PDPN: variants seen among roughly 807,000 people sequenced by gnomAD.
PDPN encodes podoplanin.
PDPN carries 12 observed loss-of-function variants against 23.2 expected under a neutral mutation model. That is an observed-to-expected ratio of 0.52 (90% confidence interval 0.33 to 0.84). The LOEUF is 0.84. Ranked by LOEUF, PDPN falls within the 40% of genes least tolerant of loss-of-function variation. The probability of loss-of-function intolerance (pLI) is 0.02; values close to 1 mark genes in which losing one functional copy is unlikely to be tolerated. For synonymous variants in PDPN, 77 were observed against 76.7 expected, an observed-to-expected ratio of 1.00 and a Z score of -0.02; for missense variants, 199 against 212.2, an observed-to-expected ratio of 0.94 and a Z score of 0.39.
At position 13,615,162 on chromosome 1, in the gene PDPN, C is replaced by T. The variant is rs115907729; in HGVS notation, c.483-743C>T. On this transcript the variant is annotated intron_variant, in intron 5 of 5. Coordinates refer to ENST00000621990, the MANE Select transcript of PDPN (RefSeq NM_006474.5). ...CTCTTGCCCTGCGTGCACCCACATA[C>T]GTGGTCATAGACTCCTAGCTTTGAC... 6.6e-3 allele frequency among the ~76,000 whole-genome samples: 1,009 copies of T among 152,298 alleles called. 15 individuals are homozygous for T. Among genetic ancestry groups the T allele is most frequent in the African/African-American group, 0.023 (961 of 41,568 alleles).
rs534133698 is a variant in PDPN at position 13,593,179 on chromosome 1, T to C, written c.67+9079T>C. ...CAGGAAGAAGAGGGAGGAAACACGA[T>C]AGACACATAGGAATGACAGAAAGCA... On this transcript the variant is annotated intron_variant, in intron 1 of 5. Transcript: ENST00000621990. Among the ~76,000 whole-genome samples, 3 of 152,252 alleles carry C rather than the reference T, an allele frequency of 2.0e-5. No homozygotes were observed. In the South Asian group the frequency reaches 6.2e-4, roughly 32 times the overall value.
At chr1:13,596,192 C>T (rs1483086343) in intron 1 of PDPN, among the ~76,000 whole-genome samples, 8 of 146,256 alleles carry the variant, frequency 5.5e-5, no homozygotes, top group Admixed American at 2.0e-4. Flanking sequence ...GAGCAAGACT[C>T]CGTCTCAAAA....
rs1261337127 is a variant in PDPN, at chr1:13,591,840, G to A, written c.67+7740G>A. On this transcript the variant is annotated intron_variant, in intron 1 of 5. Coordinates refer to ENST00000621990, the MANE Select transcript of PDPN (RefSeq NM_006474.5). ...CTCCCAAATAGCTGGGACTACAGGC[G>A]TATGCCACCACACCAAGTTTGTTTA... Among the ~76,000 whole-genome samples the A allele has an allele frequency of 5.3e-5, 8 of 152,300 alleles. No homozygotes were observed. In the South Asian group the frequency reaches 6.2e-4, roughly 12 times the overall value.
intron 1 of PDPN, among the ~76,000 whole-genome samples, chr1:13,584,497 G>T (rs904897234): frequency 1.3e-5 from 2 of 152,248 alleles, no homozygotes; most frequent in Non-Finnish European, 2.9e-5. Context: ...GGGAGAAGCT[G>T]GCCTCGTAGA....
chr1:13,594,490 A>C (rs1175598294), intron 1 of PDPN, among the ~76,000 whole-genome samples: 1 of 152,174 alleles, frequency 6.6e-6, no homozygotes, highest in Non-Finnish European at 1.5e-5. Flanking sequence ...GTAGAGAGGA[A>C]TATAACAGGG....
chr1:13,602,046 CCTTTGGGTGGCTCAGCA>C lies in PDPN; in HGVS notation c.68-5106_68-5090del, dbSNP rs1351746442. On this transcript the variant is annotated intron_variant, in intron 1 of 5. Coordinates refer to ENST00000621990, the MANE Select transcript of PDPN (RefSeq NM_006474.5). ...GGCTCATGCCTTTGGGTGGCTCATG[CCTTTGGGTGGCTCAGCA>C]CTTTGGGTGGCTCAGCACTTCGGGA... 4.8e-3 allele frequency among the ~76,000 whole-genome samples: 445 copies of C among 91,802 alleles called. 5 individuals are homozygous for C. Among genetic ancestry groups the C allele is most frequent in the East Asian group, 0.046 (157 of 3,430 alleles). 60.2% of individuals were successfully genotyped at this position (91,802 alleles called of 152,430 possible). A position where few individuals can be genotyped will look rare whatever the true frequency, so the allele number is the denominator to read the frequency against.
rs972484164 is a variant in PDPN, at chr1:13,607,294, C to A, written c.189C>A (p.Gly63=). ...PGTSEDRYKS[G]LTTLVATSVN... ...CCAGCGAAGACCGCTATAAGTCTGG[C>A]TTGACAACTCTGGTCAGTGTCCTGG... Residue 63 remains glycine (G), a synonymous_variant, in exon 2 of 6, where the codon GGC becomes GGA. Coordinates refer to ENST00000621990, the MANE Select transcript of PDPN (RefSeq NM_006474.5). The A allele has an allele frequency of 1.2e-6, 2 of 1,613,950 alleles. No homozygotes were observed. Among genetic ancestry groups the A allele is most frequent in the Non-Finnish European group, 1.7e-6 (2 of 1,179,892 alleles).
chr1:13,589,825 T>G (rs371920815), intron 1 of PDPN, among the ~76,000 whole-genome samples: 1 of 139,364 alleles, frequency 7.2e-6, no homozygotes, highest in African/African-American at 2.6e-5. Context: ...TTGTATTGAT[T>G]GATTGATTGA....
At position 13,617,366 on chromosome 1, in the gene PDPN, A is replaced by G. The variant is rs1217799940; in HGVS notation, c.*1455A>G. On this transcript the variant is annotated 3_prime_UTR_variant, in exon 6 of 6. Coordinates refer to ENST00000621990, the MANE Select transcript of PDPN (RefSeq NM_006474.5). ...AAACAGTGTGTCTGTGTGTTCCCAA[A>G]TCCAGCTGGCCCCACCAGCTCAGAT... is the stretch of plus-strand genomic sequence containing the variant. 6.6e-6 allele frequency: 1 copy of G among 152,094 alleles called. No individual in the cohort carries two copies. The highest frequency in any genetic ancestry group is 2.4e-5 in the African/African-American group (1 of 41,358). The allele number at this position is 152,094 out of a possible 1,614,324, so 9.4% of individuals were successfully genotyped here.
At chr1:13,602,311 G>A (rs1365540226) in intron 1 of PDPN, among the ~76,000 whole-genome samples, 1 of 151,780 alleles carries the variant, frequency 6.6e-6, no homozygotes, top group Admixed American at 6.6e-5. Context: ...CTGGGCGACA[G>A]AGCAAGACTC....
At chr1:13,602,954 G>A (rs1640684654) in intron 1 of PDPN, among the ~76,000 whole-genome samples, 2 of 152,078 alleles carry the variant, frequency 1.3e-5, no homozygotes, top group South Asian at 2.1e-4. Context: ...TGAGGTGGGA[G>A]GACTGCTTGA....
chr1:13,583,776 C>G (rs765459650), upstream of PDPN: 3 of 1,511,186 alleles, frequency 2.0e-6, no homozygotes, highest in African/African-American at 4.2e-5. Flanking sequence ...TGCGGCCGAC[C>G]CCGCTCCCCC....
chr1:13,610,538 A>T, intron 3 of PDPN, 22 bp downstream of exon 3: 1 of 1,607,978 alleles, frequency 6.2e-7, no homozygotes, highest in Non-Finnish European at 8.5e-7. Flanking sequence ...AGCCACCTCC[A>T]TGGGGGCTGA....
At chr1:13,605,970 C>T (rs1214842789) in intron 1 of PDPN, among the ~76,000 whole-genome samples, 4 of 151,912 alleles carry the variant, frequency 2.6e-5, no homozygotes, top group East Asian at 1.9e-4. Flanking sequence ...AATGTTAATG[C>T]GGAAAAGCCA....
chr1:13,599,346 G>A (rs1403936950), intron 1 of PDPN, among the ~76,000 whole-genome samples: 3 of 145,604 alleles, frequency 2.1e-5, no homozygotes, highest in African/African-American at 5.1e-5. Context: ...CATGAGGGAA[G>A]CTATCTTGAT....
At chr1:13,596,481 G>T (rs1051182481) in intron 1 of PDPN, among the ~76,000 whole-genome samples, 2 of 152,222 alleles carry the variant, frequency 1.3e-5, no homozygotes, top group Non-Finnish European at 2.9e-5. Flanking sequence ...TCCATGGAAG[G>T]GGTGAAGGGG....
At chr1:13,601,766 T>C (rs1205567671) in intron 1 of PDPN, among the ~76,000 whole-genome samples, 1 of 152,246 alleles carries the variant, frequency 6.6e-6, no homozygotes, top group East Asian at 1.9e-4. Context: ...GGGGAAATTA[T>C]ATTTCTCTTT....
rs540071209 is a variant in PDPN at position 13,584,243 on chromosome 1, C to T, written c.67+143C>T. On this transcript the variant is annotated intron_variant, in intron 1 of 5. Transcript: ENST00000621990. ...GGTGTGTGCGTGTCAGGCGGCTGAG[C>T]GCCGGAGGAGGAGAGGCAGCGGCTT... 2.3e-5 allele frequency: 35 copies of T among 1,514,998 alleles called. No homozygotes were observed. The East Asian group carries it at 8.6e-4, about 37-fold the overall frequency. 93.8% of individuals were successfully genotyped at this position (1,514,998 alleles called of 1,614,324 possible).
At chr1:13,610,250 A>G (rs1640898624) in intron 2 of PDPN, 137 bp from the exon 3 acceptor site, 2 of 661,374 alleles carry the variant, frequency 3.0e-6, no homozygotes, top group Non-Finnish European at 5.2e-6. Context: ...TGTTCTGTTC[A>G]TTTTCTTCTA....
Sources: gnomAD v4.1 joint callset for allele counts (sites outside exome capture counted in the v4.1 genomes callset) on GRCh38, gnomAD v4.1.1 for gene constraint, MANE v1.5 for transcripts, NCBI Gene and HGNC (gene_info 2026-07-23, HGNC 2026-07-21) for gene names.